The following VSTM5 variants were observed in gnomAD, a reference collection of about 807,000 sequenced individuals.
VSTM5 encodes the protein V-set and transmembrane domain-containing protein 5.
VSTM5 carries 21 observed loss-of-function variants against 20.3 expected under a neutral mutation model. The observed-to-expected ratio is 1.03, with a 90% CI of 0.73 to 1.49. The LOEUF (loss-of-function observed/expected upper bound fraction) is 1.49. VSTM5 is among the 40% of genes most tolerant of loss of function. VSTM5 has a pLI of 0.00. For synonymous variants in VSTM5, 100 were observed against 102.5 expected, an observed-to-expected ratio of 0.98 and a Z score of 0.14; for missense variants, 219 against 250.0, an observed-to-expected ratio of 0.88 and a Z score of 0.84.
chr11:93,833,575 A>G (rs1944299443), intron 1 of VSTM5, among the ~76,000 whole-genome samples: 1 of 152,182 alleles, frequency 6.6e-6, no homozygotes, highest in Admixed American at 6.5e-5. Flanking sequence ...CAAAAATAAA[A>G]TAGTATTACA....
intron 1 of VSTM5, among the ~76,000 whole-genome samples, chr11:93,836,493 C>A (rs775724530): frequency 2.6e-5 from 4 of 152,180 alleles, no homozygotes; most frequent in African/African-American, 9.7e-5. Flanking sequence ...TTTCTTCAGC[C>A]CCTTGGATTC....
In VSTM5 at chr11:93,820,563, C is replaced by T. The variant is rs1214577988; in HGVS notation, c.*6G>A. The T allele has an allele frequency of 6.4e-7, 1 of 1,551,892 alleles. No homozygotes were observed. Among genetic ancestry groups the T allele is most frequent in the Non-Finnish European group, 8.7e-7 (1 of 1,147,042 alleles). ...GAGGTAGGAATGCAGTCAGGCCCAGCCTTGGCTAACACTCAACATCTTCCA... is the reference window on the plus strand; with the variant it reads ...GAGGTAGGAATGCAGTCAGGCCCAGTCTTGGCTAACACTCAACATCTTCCA... On this transcript the variant is annotated 3_prime_UTR_variant, in exon 4 of 4. Transcript: ENST00000409977.
chr11:93,850,207 C>G (rs1944447248), intron 1 of VSTM5, among the ~76,000 whole-genome samples: 1 of 152,130 alleles, frequency 6.6e-6, no homozygotes, highest in Admixed American at 6.5e-5. Flanking sequence ...CCCAGCCCCT[C>G]CCGCTACGGT....
chr11:93,844,970 G>C (rs1306141898), intron 1 of VSTM5, among the ~76,000 whole-genome samples: 1 of 69,746 alleles, frequency 1.4e-5, no homozygotes, highest in Non-Finnish European at 3.1e-5. Flanking sequence ...GTATTTTCAG[G>C]CTTGTCAGGA....
intron 1 of VSTM5, 53 bp downstream of exon 1, chr11:93,850,359 C>T (rs1047763418): frequency 2.7e-6 from 4 of 1,455,320 alleles, no homozygotes; most frequent in Admixed American, 2.1e-5. Context: ...CCCGCCCGTG[C>T]CCCCCTACCC....
intron 1 of VSTM5, among the ~76,000 whole-genome samples, chr11:93,833,142 C>T (rs1565301583): frequency 1.3e-5 from 2 of 152,186 alleles, no homozygotes; most frequent in African/African-American, 4.8e-5. Flanking sequence ...GAATATAAAA[C>T]ATCTAATTAA....
Position 93,821,451 on chromosome 11 carries a change from G to A in VSTM5, c.92-128C>T, listed in dbSNP as rs1170878142. The A allele has an allele frequency of 5.5e-6, 5 of 907,176 alleles. No individual in the cohort carries two copies. The Admixed American group carries it at 1.1e-4, about 20-fold the overall frequency. The allele number at this position is 907,176 out of a possible 1,614,324, so 56.2% of individuals were successfully genotyped here. On this transcript the variant is annotated intron_variant, in intron 1 of 3. Coordinates refer to ENST00000409977, the MANE Select transcript of VSTM5 (RefSeq NM_001144871.2). Reference sequence around the variant, plus strand: ...TATTATATGCCAGGAACTGTTCTAGGTTCTGGTGCTTAAGCGATAATGCTG... The same window carrying A: ...TATTATATGCCAGGAACTGTTCTAGATTCTGGTGCTTAAGCGATAATGCTG...
intron 1 of VSTM5, 78 bp from the exon 2 acceptor site, chr11:93,821,401 A>C (rs1295020975): frequency 7.8e-7 from 1 of 1,276,186 alleles, no homozygotes; most frequent in Non-Finnish European, 1.1e-6. Flanking sequence ...TTGTTGATCT[A>C]TTACACAAAT....
chr11:93,837,741 C>T (rs776700333), intron 1 of VSTM5, among the ~76,000 whole-genome samples: 4 of 152,088 alleles, frequency 2.6e-5, no homozygotes, highest in Non-Finnish European at 4.4e-5. Flanking sequence ...ATGGTAGGCA[C>T]GGGTATACCA....
chr11:93,827,660 TCA>T (rs1403913720), intron 1 of VSTM5: 4 of 151,878 alleles, frequency 2.6e-5, no homozygotes, highest in African/African-American at 9.7e-5. Context: ...AACTGATTGT[TCA>T]CAGTCAGTTA....
chr11:93,843,550 A>G (rs760440925), intron 1 of VSTM5, among the ~76,000 whole-genome samples: 31 of 152,164 alleles, frequency 2.0e-4, no homozygotes, highest in Non-Finnish European at 2.9e-5. Context: ...AATAAGGACT[A>G]ATGGCATCTC....
In VSTM5 at chr11:93,820,079, C is replaced by T. The variant is rs980064915; in HGVS notation, c.*490G>A. Reference sequence around the variant, plus strand: ...AGCCTCAGGTTTTCTCACAATAGCTCCCACAGCAGTGCTTGCTTGTGGGAT... The same window carrying T: ...AGCCTCAGGTTTTCTCACAATAGCTTCCACAGCAGTGCTTGCTTGTGGGAT... On this transcript the variant is annotated 3_prime_UTR_variant, in exon 4 of 4. Transcript: ENST00000409977. 5.8e-6 allele frequency: 1 copy of T among 171,506 alleles called. No homozygotes were observed. Among genetic ancestry groups the T allele is most frequent in the African/African-American group, 2.4e-5 (1 of 41,638 alleles). 10.6% of individuals were successfully genotyped at this position (171,506 alleles called of 1,614,324 possible).
intron 1 of VSTM5, among the ~76,000 whole-genome samples, chr11:93,849,392 A>G (rs1944439365): frequency 6.6e-6 from 1 of 152,182 alleles, no homozygotes; most frequent in Admixed American, 6.5e-5. Context: ...CCTGGACTCA[A>G]GGGATCCGCT....
intron 1 of VSTM5, among the ~76,000 whole-genome samples, chr11:93,840,238 C>T (rs916840039): frequency 7.9e-5 from 12 of 152,222 alleles, no homozygotes; most frequent in Non-Finnish European, 1.5e-5. Context: ...ACTGAATCAG[C>T]TAATCTGTTG....
At position 93,818,599 on chromosome 11, in the gene VSTM5, C is replaced by A. The variant is rs1214480533; in HGVS notation, c.*1970G>T. On this transcript the variant is annotated 3_prime_UTR_variant, in exon 4 of 4. Coordinates refer to ENST00000409977, the MANE Select transcript of VSTM5 (RefSeq NM_001144871.2). ...TAGTGGGTGTTCTTTTCCAACTCCC[C>A]TTTGATTATGAAGATTGCCAGCCCT... The A allele has an allele frequency of 6.6e-6, 1 of 151,640 alleles. No homozygotes were observed. Among genetic ancestry groups the A allele is most frequent in the Non-Finnish European group, 1.5e-5 (1 of 68,006 alleles). 9.4% of individuals were successfully genotyped at this position (151,640 alleles called of 1,614,324 possible). A position where few individuals can be genotyped will look rare whatever the true frequency, so the allele number is the denominator to read the frequency against.
chr11:93,833,905 C>A (rs1591399936), intron 1 of VSTM5, among the ~76,000 whole-genome samples: 2 of 152,156 alleles, frequency 1.3e-5, no homozygotes, highest in African/African-American at 4.8e-5. Context: ...TCCTTGTTTA[C>A]TGTTCAATTC....
intron 1 of VSTM5, among the ~76,000 whole-genome samples, chr11:93,850,211 C>T (rs1032653228): frequency 2.0e-5 from 3 of 152,018 alleles, no homozygotes; most frequent in Middle Eastern, 3.2e-3. Flanking sequence ...GCCCCTCCCG[C>T]TACGGTCGGC....
At chr11:93,826,600 C>T (rs1944241011) in intron 1 of VSTM5, among the ~76,000 whole-genome samples, 1 of 151,994 alleles carries the variant, frequency 6.6e-6, no homozygotes, top group African/African-American at 2.4e-5. Context: ...GGGGTTTCAC[C>T]GTGTTAGCCA....
intron 1 of VSTM5, among the ~76,000 whole-genome samples, chr11:93,833,932 C>T (rs1309474946): frequency 6.6e-6 from 1 of 152,052 alleles, no homozygotes; most frequent in Non-Finnish European, 1.5e-5. Flanking sequence ...TTGGCCTCAT[C>T]AGTCCTTCCA....
Sources: allele counts gnomAD v4.1 joint callset (sites outside exome capture counted in the v4.1 genomes callset), GRCh38; gene constraint gnomAD v4.1.1; transcripts MANE v1.5; gene names NCBI Gene and HGNC (gene_info 2026-07-23, HGNC 2026-07-21).